ROBO1: variants seen among roughly 807,000 people sequenced by gnomAD.
ROBO1 encodes the protein roundabout guidance receptor 1, also known as roundabout homolog 1.
ROBO1 carries 149 observed loss-of-function variants against 195.9 expected under a neutral mutation model. The ratio of observed to expected loss-of-function variants is 0.76; its 90% CI spans 0.67 to 0.87. ROBO1 has a LOEUF of 0.87. ROBO1 is among the 40% of genes least tolerant of loss of function. ROBO1 has a pLI of 0.00. For missense variants in ROBO1, 1,933 were observed against 2,068.3 expected (o/e 0.93, Z 1.27); for synonymous variants, 816 against 733.2 (o/e 1.11, Z -1.82).
At chr3:79,180,413 T>A (rs950021111) in intron 2 of ROBO1, among the ~76,000 whole-genome samples, 4 of 152,170 alleles carry the variant, frequency 2.6e-5, no homozygotes, top group African/African-American at 9.7e-5. Flanking sequence ...ATAAATTTTT[T>A]AAAAATCTGT....
intron 2 of ROBO1, among the ~76,000 whole-genome samples, chr3:79,280,995 G>C (rs2031467211): frequency 6.6e-6 from 1 of 152,102 alleles, no homozygotes; most frequent in South Asian, 2.1e-4. Flanking sequence ...CCCTGTGTTA[G>C]ACAATACTAC....
rs960961389 is a variant in ROBO1 at position 79,505,209 on chromosome 3, CTA to C, written c.88+84613_88+84614del. The stretch of plus-strand genomic sequence containing the variant: ...ACATTTTAATTTATTAAACTTCTTT[CTA>C]TATATTTTTTTTTTCTTAAATTGAC... On this transcript the variant is annotated intron_variant, in intron 2 of 30. Transcript: ENST00000464233. Among the ~76,000 whole-genome samples, 142 of 134,294 alleles carry C rather than the reference CTA, an allele frequency of 1.1e-3. 1 individual carries two copies. The highest frequency in any genetic ancestry group is 4.4e-3 in the African/African-American group (136 of 30,754). The allele number at this position is 134,294 out of a possible 152,430, so 88.1% of individuals were successfully genotyped here.
At chr3:79,121,060 T>A (rs1207590459) in intron 3 of ROBO1, among the ~76,000 whole-genome samples, 2 of 152,158 alleles carry the variant, frequency 1.3e-5, no homozygotes, top group Non-Finnish European at 2.9e-5. Flanking sequence ...GAACTATTTA[T>A]CTTTTAGAAT....
intron 1 of ROBO1, among the ~76,000 whole-genome samples, chr3:79,720,412 C>T (rs1337025831): frequency 1.3e-5 from 2 of 152,156 alleles, no homozygotes; most frequent in Non-Finnish European, 2.9e-5. Context: ...TCCAGCTGAG[C>T]TTTACCTACT....
In ROBO1 at chr3:79,381,010, T is replaced by C. The variant is rs148007039; in HGVS notation, c.88+208814A>G. Among the ~76,000 whole-genome samples, 88 of 152,246 alleles carry C rather than the reference T, an allele frequency of 5.8e-4. 1 individual carries two copies. The Middle Eastern group carries it at 0.01, about 18-fold the overall frequency. On this transcript the variant is annotated intron_variant, in intron 2 of 30. Transcript: ENST00000464233. ...CATATGAGTGAGTCCAGCTGAATTA[T>C]GGCAAAATGTGTCTAGACCAGCAGA... is the stretch of plus-strand genomic sequence containing the variant.
chr3:78,720,874 C>G (rs2082024458), intron 5 of ROBO1, among the ~76,000 whole-genome samples: 1 of 150,030 alleles, frequency 6.7e-6, no homozygotes, highest in South Asian at 2.1e-4. Flanking sequence ...TGTTCTCACT[C>G]ATAGGTGGGA....
intron 3 of ROBO1, among the ~76,000 whole-genome samples, chr3:78,972,899 G>A (rs999909095): frequency 1.3e-5 from 2 of 152,170 alleles, no homozygotes; most frequent in African/African-American, 4.8e-5. Flanking sequence ...GCTGGCAGGG[G>A]AAAGCTATTA....
In ROBO1 at chr3:79,403,356, A is replaced by G. The variant is rs372101039; in HGVS notation, c.88+186468T>C. Among the ~76,000 whole-genome samples, 4 of 152,014 alleles carry G rather than the reference A, an allele frequency of 2.6e-5. No homozygotes were observed. In the East Asian group the frequency reaches 5.8e-4, roughly 22 times the overall value. On this transcript the variant is annotated intron_variant, in intron 2 of 30. Coordinates refer to ENST00000464233, the MANE Select transcript of ROBO1 (RefSeq NM_002941.4). Reference sequence around the variant, plus strand: ...AGTGTTAAACAAATTCAAAGAAAAAAAGTGGCTACTTGGGCAGGGATTTTG... The same window carrying G: ...AGTGTTAAACAAATTCAAAGAAAAAGAGTGGCTACTTGGGCAGGGATTTTG...
intron 27 of ROBO1, among the ~76,000 whole-genome samples, chr3:78,615,029 C>A (rs1405182532): frequency 6.6e-6 from 1 of 152,172 alleles, no homozygotes; most frequent in Non-Finnish European, 1.5e-5. Flanking sequence ...TTGTTTTAAA[C>A]CGCAGTGCTT....
In ROBO1 at chr3:78,627,572, A is replaced by AAT. The variant is rs751161948; in HGVS notation, c.3627-4_3627-3insAT. ...GACATGGCATTTCTTGGTCATAGCT[A>AAT]AAATAAATGATAAGGATGTGTAGAC... is the stretch of plus-strand genomic sequence containing the variant. On this transcript the variant is annotated splice_region_variant and splice_polypyrimidine_tract_variant and intron_variant, in intron 25 of 30. Coordinates refer to ENST00000464233, the MANE Select transcript of ROBO1 (RefSeq NM_002941.4). 1 of 1,606,942 alleles carries AAT rather than the reference A, an allele frequency of 6.2e-7. No individual in the cohort carries two copies. The highest frequency in any genetic ancestry group is 1.3e-5 in the African/African-American group (1 of 74,838).
chr3:78,963,491 TCA>T (rs1296284180), intron 3 of ROBO1, among the ~76,000 whole-genome samples: 2 of 130,872 alleles, frequency 1.5e-5, no homozygotes, highest in Non-Finnish European at 3.3e-5. Context: ...AGGAAAACCT[TCA>T]GTTTTTTTTT....
At chr3:79,630,850 A>G (rs1048381022) in intron 1 of ROBO1, among the ~76,000 whole-genome samples, 1 of 151,622 alleles carries the variant, frequency 6.6e-6, no homozygotes, top group Non-Finnish European at 1.5e-5. Context: ...GAAGCTGAGA[A>G]CCAAATCAAA....
chr3:79,737,498 A>G (rs1576302210), intron 1 of ROBO1, among the ~76,000 whole-genome samples: 1 of 152,316 alleles, frequency 6.6e-6, no homozygotes, highest in East Asian at 1.9e-4. Context: ...AGGCTGTAGT[A>G]ATTGGAACAC....
chr3:78,673,268 G>C (rs962762516), intron 10 of ROBO1, among the ~76,000 whole-genome samples: 1 of 151,150 alleles, frequency 6.6e-6, no homozygotes, highest in East Asian at 1.9e-4. Flanking sequence ...ATAGTGCCTG[G>C]CCCTAGGTAA....
intron 2 of ROBO1, among the ~76,000 whole-genome samples, chr3:79,543,001 G>C (rs1942133464): frequency 6.6e-6 from 1 of 151,860 alleles, no homozygotes; most frequent in Non-Finnish European, 1.5e-5. Context: ...ATATGACAAG[G>C]ACATAAAATG....
intron 4 of ROBO1, among the ~76,000 whole-genome samples, chr3:78,843,408 G>T (rs1219260140): frequency 2.0e-5 from 3 of 151,972 alleles, no homozygotes; most frequent in Non-Finnish European, 4.4e-5. Context: ...TGTTAAGGAG[G>T]AGTGAAACAT....
chr3:79,234,660 G>A (rs999893267), intron 2 of ROBO1, among the ~76,000 whole-genome samples: 3 of 152,090 alleles, frequency 2.0e-5, no homozygotes, highest in Non-Finnish European at 4.4e-5. Flanking sequence ...ATGAAATCAT[G>A]TTCTTTGCAG....
intron 4 of ROBO1, among the ~76,000 whole-genome samples, chr3:78,898,355 A>G (rs897621169): frequency 2.8e-4 from 42 of 147,440 alleles, no homozygotes; most frequent in African/African-American, 1.0e-3. Context: ...AGATATATAT[A>G]TAGACAGATA....
intron 15 of ROBO1, 41 bp downstream of exon 15, chr3:78,661,952 G>A: frequency 1.3e-6 from 2 of 1,592,142 alleles, no homozygotes; most frequent in Non-Finnish European, 1.7e-6. Flanking sequence ...TGATCTCGCA[G>A]ACGCTTATTA....
Sources: gnomAD v4.1 joint callset for allele counts (sites outside exome capture counted in the v4.1 genomes callset) on GRCh38, gnomAD v4.1.1 for gene constraint, MANE v1.5 for transcripts, NCBI Gene and HGNC (gene_info 2026-07-23, HGNC 2026-07-21) for gene names.